Variants in SLC23A2 observed in about 807,000 individuals in gnomAD.
SLC23A2 encodes the protein Na(+)/L-ascorbic acid transporter 2.
In SLC23A2, 36 loss-of-function variants were observed where a neutral mutation model predicts 73.3. The observed-to-expected ratio is 0.49, with a 90% confidence interval of 0.38 to 0.65. The LOEUF is 0.65. SLC23A2 is among the 30% of genes least tolerant of loss of function. The probability of loss-of-function intolerance (pLI) is 0.00; values close to 1 mark genes in which losing one functional copy is unlikely to be tolerated. For missense variants in SLC23A2, 507 were observed against 841.6 expected (o/e 0.60, Z 4.92); for synonymous variants, 343 against 327.3 (o/e 1.05, Z -0.52).
At chr20:4,967,638 C>T (rs951447906) in intron 2 of SLC23A2, among the ~76,000 whole-genome samples, 2 of 152,194 alleles carry the variant, frequency 1.3e-5, no homozygotes, top group African/African-American at 4.8e-5. Flanking sequence ...ACATTGACGT[C>T]AACAGCACAA....
chr20:4,874,178 A>C, intron 10 of SLC23A2, 86 bp from the exon 11 acceptor site: 4 of 1,325,114 alleles, frequency 3.0e-6, no homozygotes, highest in Non-Finnish European at 3.2e-6. Context: ...TCGGAATATC[A>C]CACCCCAGAG....
intron 9 of SLC23A2, among the ~76,000 whole-genome samples, chr20:4,881,862 C>CT (rs1375694786): frequency 6.6e-6 from 1 of 152,104 alleles, no homozygotes; most frequent in Non-Finnish European, 1.5e-5. Flanking sequence ...AATTTCCTCT[C>CT]TGAGAGTGAT....
rs1931779859 is a variant in SLC23A2 at position 4,902,386 on chromosome 20, T to C, written c.324+56A>G. 1 of 938,970 alleles carries C rather than the reference T, an allele frequency of 1.1e-6. No homozygotes were observed. Among genetic ancestry groups the C allele is most frequent in the Non-Finnish European group, 1.7e-6 (1 of 601,694 alleles). The allele number at this position is 938,970 out of a possible 1,614,324, so 58.2% of individuals were successfully genotyped here. ...AGTGGAATTTTTAAACAATTCCAGA[T>C]GGTAGACAATGCAAACACCTGCTGG... is the stretch of plus-strand genomic sequence containing the variant. On this transcript the variant is annotated intron_variant, in intron 5 of 16. Coordinates refer to ENST00000338244, the MANE Select transcript of SLC23A2 (RefSeq NM_005116.6). The surrounding 1 kb of genome is among the most constrained non-coding windows in gnomAD (Gnocchi z 4.0).
In SLC23A2 at chr20:4,859,246, AAAAAT is replaced by A. The variant is rs1294528404; in HGVS notation, c.1720+38_1720+42del. The A allele has an allele frequency of 1.7e-5, 21 of 1,229,684 alleles. 1 individual carries two copies. Among genetic ancestry groups the A allele is most frequent in the African/African-American group, 1.2e-4 (7 of 59,872 alleles). The allele number at this position is 1,229,684 out of a possible 1,614,324, so 76.2% of individuals were successfully genotyped here. On this transcript the variant is annotated intron_variant, in intron 16 of 16. Transcript: ENST00000338244. ...GGCAAAAAAAGTAACACATATGTTA[AAAAAT>A]AAAAAAAAAAAAAGTGTGTTTGATA...
At chr20:4,898,492 C>A (rs529534812) in intron 6 of SLC23A2, among the ~76,000 whole-genome samples, 1 of 152,316 alleles carries the variant, frequency 6.6e-6, no homozygotes, top group African/African-American at 2.4e-5. Flanking sequence ...CAGGGAGGGC[C>A]AGGCCTTACT....
In SLC23A2 at chr20:4,899,782, T is replaced by C. The variant is rs2122867908; in HGVS notation, c.325-70A>G. ...TCATTTATTCTTGATTTCATCCTAATTCTTCTCTCTTATTGTCGTTAAAAA... is the reference window on the plus strand; with the variant it reads ...TCATTTATTCTTGATTTCATCCTAACTCTTCTCTCTTATTGTCGTTAAAAA... On this transcript the variant is annotated intron_variant, in intron 5 of 16. Coordinates refer to ENST00000338244, the MANE Select transcript of SLC23A2 (RefSeq NM_005116.6). The surrounding 1 kb of genome is among the most constrained non-coding windows in gnomAD (Gnocchi z 4.9). 4.7e-6 allele frequency: 7 copies of C among 1,480,592 alleles called. No individual in the cohort carries two copies. Among genetic ancestry groups the C allele is most frequent in the Admixed American group, 1.8e-5 (1 of 56,648 alleles). The allele number at this position is 1,480,592 out of a possible 1,614,324, so 91.7% of individuals were successfully genotyped here.
At chr20:4,891,525 C>T (rs539146411) in intron 6 of SLC23A2, among the ~76,000 whole-genome samples, 20 of 152,336 alleles carry the variant, frequency 1.3e-4, no homozygotes, top group Middle Eastern at 3.4e-3. Flanking sequence ...GCCATAGATT[C>T]CAGGGTCAGT....
At chr20:4,981,915 A>G (rs1391056670) in intron 1 of SLC23A2, among the ~76,000 whole-genome samples, 1 of 151,858 alleles carries the variant, frequency 6.6e-6, no homozygotes, top group African/African-American at 2.4e-5. Flanking sequence ...GATAGCCAGG[A>G]TGGTCTCGAT....
rs2087400614 is a variant in SLC23A2, at chr20:4,962,111, G to C, written c.-155+8682C>G. Among the ~76,000 whole-genome samples the C allele has an allele frequency of 2.0e-5, 3 of 150,112 alleles. No homozygotes were observed. The South Asian group carries it at 6.3e-4, about 31-fold the overall frequency. ...ATGGGATTGGACAGAAGTGACTATGGAAGAAGAAAAACGATGAGAAAAATG... is the reference window on the plus strand; with the variant it reads ...ATGGGATTGGACAGAAGTGACTATGCAAGAAGAAAAACGATGAGAAAAATG... On this transcript the variant is annotated intron_variant, in intron 2 of 16. Transcript: ENST00000338244.
chr20:4,937,891 G>A (rs1204357350), intron 2 of SLC23A2, among the ~76,000 whole-genome samples: 2 of 151,930 alleles, frequency 1.3e-5, no homozygotes, highest in African/African-American at 4.8e-5. Flanking sequence ...CCTTTTCCAG[G>A]GCTGATACCC....
Position 4,902,532 on chromosome 20 carries a change from G to A in SLC23A2, c.234C>T (p.Ser78=). ...EKSSLAETLD[S]TGSLDPQRSD... ...ATCGCTGGGGGTCCAGACTGCCAGT[G>A]CTATCCAGGGTCTCAGCGAGAGAGC... The change falls in exon 5 of 17, where the codon AGC becomes AGT. Residue 78 remains serine, a synonymous_variant. Coordinates refer to ENST00000338244, the MANE Select transcript of SLC23A2 (RefSeq NM_005116.6). The surrounding 1 kb of genome is among the most constrained non-coding windows in gnomAD (Gnocchi z 4.0). 1.2e-6 allele frequency: 2 copies of A among 1,611,146 alleles called. No homozygotes were observed. The highest frequency in any genetic ancestry group is 1.7e-6 in the Non-Finnish European group (2 of 1,178,082).
rs1417284295 is a variant in SLC23A2, at chr20:4,855,712, G to A, written c.*1260C>T. On this transcript the variant is annotated 3_prime_UTR_variant, in exon 17 of 17. Coordinates refer to ENST00000338244, the MANE Select transcript of SLC23A2 (RefSeq NM_005116.6). ...ACCGGCGGACAGACCGTTCCACGTG[G>A]CGGCTCTGCGTGTTACCTGCCCCAG... 1 of 152,692 alleles carries A rather than the reference G, an allele frequency of 6.5e-6. No individual in the cohort carries two copies. Among genetic ancestry groups the A allele is most frequent in the Non-Finnish European group, 1.5e-5 (1 of 68,056 alleles). The allele number at this position is 152,692 out of a possible 1,614,324, so 9.5% of individuals were successfully genotyped here. A position where few individuals can be genotyped will look rare whatever the true frequency, so the allele number is the denominator to read the frequency against.
chr20:4,909,411 G>A (rs1007242674), intron 4 of SLC23A2, among the ~76,000 whole-genome samples: 5 of 152,126 alleles, frequency 3.3e-5, no homozygotes, highest in Non-Finnish European at 5.9e-5. Context: ...TATAAAGAAC[G>A]TAGGGGGCAC....
chr20:4,949,650 C>T (rs1377594450), intron 2 of SLC23A2, among the ~76,000 whole-genome samples: 1 of 152,154 alleles, frequency 6.6e-6, no homozygotes, highest in African/African-American at 2.4e-5. Flanking sequence ...CAGTCACACA[C>T]ACACAGGCGC....
chr20:4,967,822 C>A (rs887140605), intron 2 of SLC23A2, among the ~76,000 whole-genome samples: 1 of 152,180 alleles, frequency 6.6e-6, no homozygotes, highest in East Asian at 1.9e-4. Context: ...CAACCAGAAC[C>A]ATGCACCCAG....
chr20:4,981,722 G>A (rs1485541894), intron 1 of SLC23A2, among the ~76,000 whole-genome samples: 1 of 131,848 alleles, frequency 7.6e-6, no homozygotes, highest in Non-Finnish European at 1.6e-5. Flanking sequence ...TTATCTTTCA[G>A]ATGGAATCTC....
chr20:4,993,006 C>G (rs1027128207), intron 1 of SLC23A2, among the ~76,000 whole-genome samples: 1 of 151,794 alleles, frequency 6.6e-6, no homozygotes, highest in Non-Finnish European at 1.5e-5. Flanking sequence ...CAGCCTGGCG[C>G]AGTGGCTCAT....
At chr20:4,886,106 T>C (rs1162421877) in intron 6 of SLC23A2, 197 bp from the exon 7 acceptor site, 12 of 499,078 alleles carry the variant, frequency 2.4e-5, no homozygotes, top group Middle Eastern at 5.1e-4. Context: ...ATCCTCCCCA[T>C]TGCCACTCTC....
Position 4,899,595 on chromosome 20 carries a change from C to A in SLC23A2, c.442G>T (p.Val148Leu). 1 of 1,614,172 alleles carries A rather than the reference C, an allele frequency of 6.2e-7. No homozygotes were observed. Among genetic ancestry groups the A allele is most frequent in the Non-Finnish European group, 8.5e-7 (1 of 1,180,034 alleles). Residue 148 changes from valine to leucine, a missense_variant, in exon 6 of 17, where the codon GTG becomes TTG. Physicochemically the swap from Val to Leu is conservative, Grantham distance 32. Around this residue, in one of 5 missense-constraint regions of SLC23A2, gnomAD observed 217 missense variants for 398.0 expected, o/e 0.55. Transcript: ENST00000338244. This position sits in a 1 kb window ranked among gnomAD's most constrained non-coding sequence, Gnocchi z 4.9. The stretch of plus-strand genomic sequence containing the variant: ...GTCTGTAGCAAAGTAGTGATTCCCA[C>A]ACAGAAGAAAATGGTCCCAATGAGC... ...SQLIGTIFFCVGITTLLQTTF... is the reference protein window; with the variant it reads ...SQLIGTIFFCLGITTLLQTTF...
Sources: allele counts gnomAD v4.1 joint callset (sites outside exome capture counted in the v4.1 genomes callset), GRCh38; gene constraint gnomAD v4.1.1; regional missense constraint gnomAD v4.1.1; non-coding constraint Gnocchi (gnomAD v3.1); transcripts MANE v1.5; gene names NCBI Gene and HGNC (gene_info 2026-07-23, HGNC 2026-07-21).